The following SCARB1 variants were observed in gnomAD, a reference collection of about 807,000 sequenced individuals.
SCARB1 encodes the protein CD36 and LIMPII analogous 1.
SCARB1 carries 30 observed loss-of-function variants against 57.2 expected under a neutral mutation model. The ratio of observed to expected loss-of-function variants is 0.52; its 90% CI spans 0.39 to 0.71. The LOEUF is 0.71. SCARB1 is among the 30% of genes least tolerant of loss of function. The pLI, the probability that SCARB1 is intolerant of heterozygous loss-of-function variation, is 0.00. For synonymous variants in SCARB1, 249 were observed against 268.3 expected (o/e 0.93, Z 0.70); for missense variants, 543 against 671.2 (o/e 0.81, Z 2.11).
intron 1 of SCARB1, among the ~76,000 whole-genome samples, chr12:124,856,386 G>A (rs1426243063): frequency 6.6e-6 from 1 of 152,184 alleles, no homozygotes; most frequent in Non-Finnish European, 1.5e-5. Context: ...CAGCACTTGT[G>A]TACACACACC....
chr12:124,842,946 C>T (rs1215738621), intron 1 of SCARB1, among the ~76,000 whole-genome samples: 1 of 152,218 alleles, frequency 6.6e-6, no homozygotes, highest in Non-Finnish European at 1.5e-5. Context: ...GGACGTGTGC[C>T]ACGGACGGGA....
In SCARB1 at chr12:124,814,484, G is replaced by A. The variant is rs1033230091; in HGVS notation, c.427-79C>T. The A allele has an allele frequency of 3.4e-6, 5 of 1,452,534 alleles. No homozygotes were observed. In the African/African-American group the frequency reaches 5.6e-5, roughly 16 times the overall value. The allele number at this position is 1,452,534 out of a possible 1,614,324, so 90.0% of individuals were successfully genotyped here. A position where few individuals can be genotyped will look rare whatever the true frequency, so the allele number is the denominator to read the frequency against. On this transcript the variant is annotated intron_variant, in intron 3 of 12. Coordinates refer to ENST00000261693, the MANE Select transcript of SCARB1 (RefSeq NM_005505.5). This position sits in a 1 kb window ranked among gnomAD's most constrained non-coding sequence, Gnocchi z 4.7. ...CCCTTGGCCCCAGCTGGGCCTCACAGCAAAGAGCCCATGAAGGGAAATGCT... is the reference window on the plus strand; with the variant it reads ...CCCTTGGCCCCAGCTGGGCCTCACAACAAAGAGCCCATGAAGGGAAATGCT...
Position 124,853,653 on chromosome 12 carries a change from C to T in SCARB1, c.126+9942G>A, listed in dbSNP as rs988812349. On this transcript the variant is annotated intron_variant, in intron 1 of 12. Transcript: ENST00000261693. ...CAGGTGACCCACCCACTTCGGCCTC[C>T]CAAAGTGCTGGGATTACAGGCATGA... is the stretch of plus-strand genomic sequence containing the variant. Among the ~76,000 whole-genome samples, 124 of 152,312 alleles carry T rather than the reference C, an allele frequency of 8.1e-4. 1 individual carries two copies. Among genetic ancestry groups the T allele is most frequent in the African/African-American group, 2.6e-3 (109 of 41,548 alleles).
At chr12:124,793,692 CAAAAAAAAAAA>C (rs71092224) in intron 9 of SCARB1, among the ~76,000 whole-genome samples, 2 of 51,554 alleles carry the variant, frequency 3.9e-5, no homozygotes, top group African/African-American at 6.1e-5. Context: ...GACTCCGTCT[CAAAAAAAAAAA>C]AAAAAAAAAA....
At chr12:124,801,514 G>A (rs1471848188) in intron 7 of SCARB1, among the ~76,000 whole-genome samples, 1 of 152,238 alleles carries the variant, frequency 6.6e-6, no homozygotes, top group African/African-American at 2.4e-5. Context: ...CAGGCACGGT[G>A]GCTCATGCCT....
Position 124,812,874 on chromosome 12 carries a change from A to G in SCARB1, c.631-909T>C, listed in dbSNP as rs1950575209. The stretch of plus-strand genomic sequence containing the variant: ...AATAACCAGAGCCACTACAAAGGGG[A>G]GCATTAAAGGGACTCATGTGCAAAA... On this transcript the variant is annotated intron_variant, in intron 4 of 12. Coordinates refer to ENST00000261693, the MANE Select transcript of SCARB1 (RefSeq NM_005505.5). The surrounding 1 kb of genome is among the most constrained non-coding windows in gnomAD (Gnocchi z 4.3). 6.6e-6 allele frequency among the ~76,000 whole-genome samples: 1 copy of G among 152,174 alleles called. No homozygotes were observed. Among genetic ancestry groups the G allele is most frequent in the African/African-American group, 2.4e-5 (1 of 41,444 alleles).
chr12:124,792,288 C>T (rs1167824025), intron 9 of SCARB1, among the ~76,000 whole-genome samples: 1 of 152,104 alleles, frequency 6.6e-6, no homozygotes, highest in Non-Finnish European at 1.5e-5. Flanking sequence ...CCCTCGTGGC[C>T]CTCCACATCT....
intron 8 of SCARB1, among the ~76,000 whole-genome samples, chr12:124,798,640 C>T (rs958795836): frequency 1.3e-5 from 2 of 151,840 alleles, no homozygotes; most frequent in African/African-American, 2.4e-5. Context: ...GTCACGAGTT[C>T]GAGACCAGCA....
rs199966909 is a variant in SCARB1 at position 124,863,700 on chromosome 12, C to G, written c.21G>C (p.Ala7=). 5,732 of 1,538,226 alleles carry G rather than the reference C, an allele frequency of 3.7e-3. 221 individuals are homozygous for G. The highest frequency in any genetic ancestry group is 6.8e-4 in the Middle Eastern group (4 of 5,918). Reference sequence around the variant, plus strand: ...CGCCCAGCGCCCCGGCAGCCCAGCGCGCTTTGGCGGAGCAGCCCATGTCTG... The same window carrying G: ...CGCCCAGCGCCCCGGCAGCCCAGCGGGCTTTGGCGGAGCAGCCCATGTCTG... The part of the protein sequence containing the change: MGCSAK[A]RWAAGALGVA... Residue 7 remains alanine (A), a synonymous_variant, in exon 1 of 13, where the codon GCG becomes GCC. Transcript: ENST00000261693.
intron 7 of SCARB1, among the ~76,000 whole-genome samples, chr12:124,805,106 C>CACCAAGACAAGAAGAGGAAGACAAGAAG (rs72167165): frequency 5.3e-5 from 8 of 151,742 alleles, no homozygotes; most frequent in Non-Finnish European, 1.2e-4. Context: ...GAGCAATGAG[C>CACCAAGACAAGAAGAGGAAGACAAGAAG]ACCAAGACAA....
intron 8 of SCARB1, among the ~76,000 whole-genome samples, chr12:124,797,118 A>G (rs1949967949): frequency 6.6e-6 from 1 of 152,088 alleles, no homozygotes; most frequent in Admixed American, 6.5e-5. Flanking sequence ...GCTAGACAAC[A>G]TCTCCTACAT....
intron 7 of SCARB1, among the ~76,000 whole-genome samples, chr12:124,805,541 G>C (rs1308405698): frequency 6.6e-6 from 1 of 152,038 alleles, no homozygotes; most frequent in Non-Finnish European, 1.5e-5. Context: ...AGAGCTGCCA[G>C]ACATTTTAAG....
intron 7 of SCARB1, among the ~76,000 whole-genome samples, chr12:124,803,952 A>T (rs1023962988): frequency 6.6e-6 from 1 of 152,190 alleles, no homozygotes; most frequent in Non-Finnish European, 1.5e-5. Flanking sequence ...GCGCTTTTGA[A>T]ATTCTTTTGG....
chr12:124,811,662 A>G (rs1950531676), intron 5 of SCARB1, among the ~76,000 whole-genome samples: 1 of 152,122 alleles, frequency 6.6e-6, no homozygotes, highest in South Asian at 2.1e-4. Flanking sequence ...TCAGTAAGCA[A>G]TCACTAACCC....
intron 1 of SCARB1, among the ~76,000 whole-genome samples, chr12:124,840,171 C>T (rs1951853852): frequency 6.6e-6 from 1 of 151,754 alleles, no homozygotes; most frequent in Non-Finnish European, 1.5e-5. Flanking sequence ...TCCATGTCCC[C>T]GTTGGCTATC....
At chr12:124,851,282 G>A (rs1338480377) in intron 1 of SCARB1, among the ~76,000 whole-genome samples, 1 of 152,054 alleles carries the variant, frequency 6.6e-6, no homozygotes, top group Non-Finnish European at 1.5e-5. Flanking sequence ...AGACTGGGGC[G>A]TACATATAAA....
intron 2 of SCARB1, among the ~76,000 whole-genome samples, 185 bp from the exon 3 acceptor site, chr12:124,815,299 G>C (rs554238517): frequency 1.2e-4 from 18 of 152,322 alleles, no homozygotes; most frequent in African/African-American, 3.8e-4. Context: ...GCCCACTGCA[G>C]GACATGGTGT....
At chr12:124,790,817 G>T (rs1247578376) in intron 9 of SCARB1, among the ~76,000 whole-genome samples, 1 of 152,236 alleles carries the variant, frequency 6.6e-6, no homozygotes, top group Non-Finnish European at 1.5e-5. Flanking sequence ...GTGCAGGCAC[G>T]TGCTCACGTG....
intron 1 of SCARB1, among the ~76,000 whole-genome samples, chr12:124,826,137 A>C (rs561177864): frequency 6.6e-6 from 1 of 152,092 alleles, no homozygotes; most frequent in East Asian, 1.9e-4. Flanking sequence ...GTTTGAGAAC[A>C]ACCTGGGCAA....
Sources: allele counts gnomAD v4.1 joint callset (sites outside exome capture counted in the v4.1 genomes callset), GRCh38; gene constraint gnomAD v4.1.1; non-coding constraint Gnocchi (gnomAD v3.1); transcripts MANE v1.5; gene names NCBI Gene and HGNC (gene_info 2026-07-23, HGNC 2026-07-21).